Variants in TXNL4A observed in about 807,000 individuals in gnomAD.
TXNL4A encodes the protein thioredoxin-like protein 4A.
TXNL4A carries 17 observed loss-of-function variants against 14.6 expected under a neutral mutation model. The ratio of observed to expected loss-of-function variants is 1.16; its 90% CI spans 0.80 to 1.74. The LOEUF is 1.74. Among genes scored for constraint, TXNL4A ranks in the 40% most tolerant of loss-of-function variants. The pLI, the probability that TXNL4A is intolerant of heterozygous loss-of-function variation, is 0.00. For synonymous variants in TXNL4A, 83 were observed against 70.6 expected, an observed-to-expected ratio of 1.18 and a Z score of -0.88; for missense variants, 74 against 195.2, an observed-to-expected ratio of 0.38 and a Z score of 3.70.
At chr18:80,006,113 T>C (rs1213983262) in intron 1 of TXNL4A, among the ~76,000 whole-genome samples, 2 of 151,380 alleles carry the variant, frequency 1.3e-5, no homozygotes, top group African/African-American at 2.4e-5. Context: ...AGGCCAGGTG[T>C]GGTGGCTCAC....
At chr18:80,001,649 A>G (rs2051699082) in intron 1 of TXNL4A, among the ~76,000 whole-genome samples, 1 of 152,218 alleles carries the variant, frequency 6.6e-6, no homozygotes, top group Admixed American at 6.5e-5. Context: ...AAAGGAGGTC[A>G]TTTTGGAACT....
upstream of TXNL4A, among the ~76,000 whole-genome samples, chr18:79,991,384 A>C (rs1156585292): frequency 1.3e-5 from 2 of 152,096 alleles, no homozygotes; most frequent in Non-Finnish European, 2.9e-5. Flanking sequence ...CAAAATATGG[A>C]GTCGTTTGTG....
In TXNL4A at chr18:80,011,808, T is replaced by A. The variant is rs1234706116; in HGVS notation, c.-61+22043A>T. 6.6e-6 allele frequency among the ~76,000 whole-genome samples: 1 copy of A among 152,300 alleles called. No homozygotes were observed. Among genetic ancestry groups the A allele is most frequent in the African/African-American group, 2.4e-5 (1 of 41,560 alleles). Reference sequence around the variant, plus strand: ...TTAAGAACTATATATATATATTTTATGTGAAGTTTACTCTCTATAAAGTTT... The same window carrying A: ...TTAAGAACTATATATATATATTTTAAGTGAAGTTTACTCTCTATAAAGTTT... On this transcript the variant is annotated intron_variant, in intron 1 of 2. Transcript: ENST00000585474. The surrounding 1 kb of genome is among the most constrained non-coding windows in gnomAD (Gnocchi z 4.1).
intron 1 of TXNL4A, among the ~76,000 whole-genome samples, chr18:79,987,801 G>GA (rs1285401185): frequency 3.3e-4 from 50 of 152,308 alleles, no homozygotes; most frequent in African/African-American, 1.1e-3. Flanking sequence ...CACACCCACA[G>GA]AAAAGCAGGA....
At chr18:80,028,267 G>C (rs2145131379) in intron 1 of TXNL4A, among the ~76,000 whole-genome samples, 1 of 149,334 alleles carries the variant, frequency 6.7e-6, no homozygotes, top group East Asian at 1.9e-4. Context: ...TTCTGTACAA[G>C]TCTGTTGAAG....
chr18:80,023,703 C>A (rs2051864919), intron 1 of TXNL4A, among the ~76,000 whole-genome samples: 1 of 152,186 alleles, frequency 6.6e-6, no homozygotes, highest in Admixed American at 6.5e-5. Context: ...AGGGACCTTA[C>A]TAGGTAAAAA....
intron 1 of TXNL4A, among the ~76,000 whole-genome samples, chr18:80,013,142 A>G (rs1013379866): frequency 6.8e-6 from 1 of 146,968 alleles, no homozygotes; most frequent in Admixed American, 6.8e-5. Flanking sequence ...TTTTTTTGAG[A>G]CGGAGTCTGG....
At chr18:80,025,242 G>A (rs2051876865) in intron 1 of TXNL4A, among the ~76,000 whole-genome samples, 3 of 152,200 alleles carry the variant, frequency 2.0e-5, no homozygotes, top group African/African-American at 7.2e-5. Context: ...CTCCCTATAG[G>A]AGGCAAACCA....
chr18:80,001,653 T>C (rs1408087405), intron 1 of TXNL4A, among the ~76,000 whole-genome samples: 1 of 152,232 alleles, frequency 6.6e-6, no homozygotes, highest in African/African-American at 2.4e-5. Flanking sequence ...GAGGTCATTT[T>C]GGAACTTTAA....
chr18:80,022,669 C>T (rs1285082674), intron 1 of TXNL4A, among the ~76,000 whole-genome samples: 1 of 152,170 alleles, frequency 6.6e-6, no homozygotes, highest in Non-Finnish European at 1.5e-5. Context: ...GTTTGTTACC[C>T]ATCTAGAGAG....
At chr18:80,010,561 A>G (rs562437279) in intron 1 of TXNL4A, among the ~76,000 whole-genome samples, 15 of 152,306 alleles carry the variant, frequency 9.8e-5, no homozygotes, top group Middle Eastern at 3.4e-3. Context: ...GAACCCACTG[A>G]AGCCCACTGT....
intron 1 of TXNL4A, among the ~76,000 whole-genome samples, chr18:80,022,280 G>A (rs773660662): frequency 3.9e-4 from 60 of 152,110 alleles, no homozygotes; most frequent in African/African-American, 1.4e-3. Context: ...TAGGACACCC[G>A]GAAGTTTTTT....
chr18:79,988,873 A>G (rs1403704912), upstream of TXNL4A, among the ~76,000 whole-genome samples: 1 of 152,204 alleles, frequency 6.6e-6, no homozygotes, highest in Non-Finnish European at 1.5e-5. Flanking sequence ...GGGGACGTCC[A>G]GAAAGGCCCG....
intron 1 of TXNL4A, among the ~76,000 whole-genome samples, chr18:80,001,189 C>G (rs2051696148): frequency 6.6e-6 from 1 of 152,224 alleles, no homozygotes. Context: ...AATGGAAGCT[C>G]TAAGCCTTGG....
At chr18:80,030,867 T>G (rs2051916476) in intron 1 of TXNL4A, among the ~76,000 whole-genome samples, 1 of 152,162 alleles carries the variant, frequency 6.6e-6, no homozygotes, top group African/African-American at 2.4e-5. Context: ...CTTGGCAGGC[T>G]GAGGCAGGAG....
intron 1 of TXNL4A, among the ~76,000 whole-genome samples, chr18:80,023,766 CTT>C (rs2051865491): frequency 6.6e-6 from 1 of 152,098 alleles, no homozygotes; most frequent in South Asian, 2.1e-4. Flanking sequence ...AAAACAATAA[CTT>C]TTTGAATTAC....
chr18:80,003,021 G>A (rs2051707478), intron 1 of TXNL4A, among the ~76,000 whole-genome samples: 1 of 152,342 alleles, frequency 6.6e-6, no homozygotes, highest in South Asian at 2.1e-4. Context: ...GCTGGGAAGG[G>A]GGCCTGTTGT....
intron 1 of TXNL4A, among the ~76,000 whole-genome samples, chr18:80,001,573 G>A (rs1395716941): frequency 6.6e-6 from 1 of 152,206 alleles, no homozygotes; most frequent in Non-Finnish European, 1.5e-5. Context: ...CCACAGGGCA[G>A]AACTGCCCAA....
chr18:80,013,215 T>C (rs1490219327), intron 1 of TXNL4A, among the ~76,000 whole-genome samples: 5 of 150,332 alleles, frequency 3.3e-5, no homozygotes, highest in African/African-American at 1.2e-4. Context: ...CTCCGCCTCC[T>C]GGGTTCACAC....
Sources: gnomAD v4.1 joint callset for allele counts (sites outside exome capture counted in the v4.1 genomes callset) on GRCh38, gnomAD v4.1.1 for gene constraint, Gnocchi (gnomAD v3.1) non-coding constraint, MANE v1.5 for transcripts, NCBI Gene and HGNC (gene_info 2026-07-23, HGNC 2026-07-21) for gene names.